Variants in ZDHHC11 observed in about 807,000 individuals in gnomAD.
ZDHHC11 encodes zDHHC palmitoyltransferase 11, also known as palmitoyltransferase ZDHHC11.
In ZDHHC11, 44 loss-of-function variants were observed where a neutral mutation model predicts 51.3. The ratio of observed to expected loss-of-function variants is 0.86; its 90% CI spans 0.67 to 1.10. ZDHHC11 has a LOEUF of 1.10. ZDHHC11 is among the 50% of genes least tolerant of loss of function. The pLI, the probability that ZDHHC11 is intolerant of heterozygous loss-of-function variation, is 0.00. For missense variants in ZDHHC11, 400 were observed against 537.7 expected (o/e 0.74, Z 2.53); for synonymous variants, 163 against 222.0 (o/e 0.73, Z 2.36).
chr5:851,411 G>A (rs557030880), upstream of ZDHHC11, among the ~76,000 whole-genome samples: 20 of 152,216 alleles, frequency 1.3e-4, no homozygotes, highest in African/African-American at 4.8e-4. Context: ...GCTACGGGGT[G>A]GGGGGTTGAT....
At position 837,021 on chromosome 5, in the gene ZDHHC11, C is replaced by T. The variant is rs1477836740; in HGVS notation, c.900+344G>A. ...ACAATGAGCTGAGATTTCACCACTT[C>T]ACTCCACCCTGGGCAACAGAGCGAG... is the stretch of plus-strand genomic sequence containing the variant. On this transcript the variant is annotated intron_variant, in intron 6 of 12. Transcript: ENST00000283441. Among the ~76,000 whole-genome samples, 5 of 151,508 alleles carry T rather than the reference C, an allele frequency of 3.3e-5. No individual in the cohort carries two copies. The East Asian group carries it at 7.7e-4, about 23-fold the overall frequency.
chr5:819,409 T>C (rs1205714766), intron 10 of ZDHHC11, 116 bp downstream of exon 10: 1 of 1,106,446 alleles, frequency 9.0e-7, no homozygotes, highest in Admixed American at 1.8e-5. Flanking sequence ...GCAGCACCCT[T>C]GGACACAGAG....
chr5:804,254 C>A (rs550661534), intron 11 of ZDHHC11, among the ~76,000 whole-genome samples: 6 of 151,342 alleles, frequency 4.0e-5, no homozygotes, highest in East Asian at 1.9e-4. Context: ...GCTCTGCCCA[C>A]CCAGGACATG....
intron 8 of ZDHHC11, among the ~76,000 whole-genome samples, chr5:824,642 A>G (rs1742045049): frequency 6.6e-6 from 1 of 151,294 alleles, no homozygotes; most frequent in African/African-American, 2.4e-5. Context: ...CCACACACAA[A>G]ACCACACACA....
At chr5:849,395 C>A (rs1347087385) in intron 1 of ZDHHC11, among the ~76,000 whole-genome samples, 1 of 152,148 alleles carries the variant, frequency 6.6e-6, no homozygotes, top group Admixed American at 6.5e-5. Flanking sequence ...GGATGCAGCC[C>A]CAAAGGCCCT....
intron 7 of ZDHHC11, among the ~76,000 whole-genome samples, chr5:825,498 C>T (rs1242419623): frequency 6.6e-6 from 1 of 152,096 alleles, no homozygotes; most frequent in East Asian, 1.9e-4. Flanking sequence ...AAAGCAGTCC[C>T]TCCACCCACC....
rs185326866 is a variant in ZDHHC11 at position 828,311 on chromosome 5, G to A, written c.936-3060C>T. On this transcript the variant is annotated intron_variant, in intron 7 of 12. Transcript: ENST00000283441. ...GGGCTCCTCACTTCCCAGAAGGGGC[G>A]GCCGGGCGGAGGCACCCCCCACCTC... Among the ~76,000 whole-genome samples the A allele has an allele frequency of 1.3e-4, 20 of 151,322 alleles. No homozygotes were observed. The East Asian group carries it at 2.9e-3, about 22-fold the overall frequency.
chr5:849,063 C>T (rs1441501800), intron 1 of ZDHHC11, among the ~76,000 whole-genome samples: 1 of 151,978 alleles, frequency 6.6e-6, no homozygotes, highest in Non-Finnish European at 1.5e-5. Context: ...TGGCCCTGCA[C>T]ACACAGCCCT....
At chr5:816,426 C>T (rs1740807296) in intron 10 of ZDHHC11, 5 of 441,542 alleles carry the variant, frequency 1.1e-5, no homozygotes, top group South Asian at 8.6e-5. Context: ...AGCTGCGGGA[C>T]AGGCAGTGGC....
upstream of ZDHHC11, among the ~76,000 whole-genome samples, chr5:859,447 A>G (rs1748673845): frequency 6.6e-6 from 1 of 152,052 alleles, no homozygotes; most frequent in Non-Finnish European, 1.5e-5. Context: ...CAGCAAGACA[A>G]CCCTAAAAAA....
At chr5:858,408 T>G (rs1171819238) in intron 1 of ZDHHC11, among the ~76,000 whole-genome samples, 1 of 148,386 alleles carries the variant, frequency 6.7e-6, no homozygotes, top group East Asian at 2.0e-4. Context: ...CCGTCCTGTC[T>G]TTATGACACC....
At chr5:850,233 C>G in intron 1 of ZDHHC11, 148 bp downstream of exon 1, 1 of 909,928 alleles carries the variant, frequency 1.1e-6, no homozygotes, top group South Asian at 1.7e-5. Flanking sequence ...GGCCACTGGG[C>G]CCACCTGCAG....
At chr5:813,292 C>T (rs1392844966) in intron 11 of ZDHHC11, among the ~76,000 whole-genome samples, 11 of 141,646 alleles carry the variant, frequency 7.8e-5, no homozygotes, top group Non-Finnish European at 1.5e-4. Flanking sequence ...TGTGCCACTG[C>T]ACTGCAGCCT....
chr5:818,402 G>A (rs1339910835), intron 10 of ZDHHC11, among the ~76,000 whole-genome samples: 7 of 151,848 alleles, frequency 4.6e-5, no homozygotes, highest in South Asian at 4.2e-4. Context: ...GGACGCCAGC[G>A]TCGCTGTTCC....
chr5:805,740 A>G (rs1041172944), intron 11 of ZDHHC11, among the ~76,000 whole-genome samples: 1 of 151,228 alleles, frequency 6.6e-6, no homozygotes, highest in Non-Finnish European at 1.5e-5. Flanking sequence ...TTTTTAATTA[A>G]AAGTCAGGGA....
chr5:827,283 C>T (rs1742419342), intron 7 of ZDHHC11, among the ~76,000 whole-genome samples: 1 of 148,022 alleles, frequency 6.8e-6, no homozygotes, highest in African/African-American at 2.5e-5. Context: ...CTCCTTAAAG[C>T]ATAAATCTTA....
At chr5:853,092 CAGGGG>C (rs1747530925), upstream of ZDHHC11, among the ~76,000 whole-genome samples, 1 of 142,422 alleles carries the variant, frequency 7.0e-6, no homozygotes, top group African/African-American at 2.7e-5. Context: ...GACAGCGAGC[CAGGGG>C]ACACAGGCCC....
intron 12 of ZDHHC11, among the ~76,000 whole-genome samples, chr5:798,011 C>G (rs541285607): frequency 1.3e-5 from 2 of 150,464 alleles, no homozygotes; most frequent in African/African-American, 4.9e-5. Flanking sequence ...GCTCCAAATA[C>G]TCGGCAGTGA....
At position 795,832 on chromosome 5, in the gene ZDHHC11, C is replaced by G. The variant is rs1057010; in HGVS notation, c.*756G>C. On this transcript the variant is annotated 3_prime_UTR_variant, in exon 13 of 13. Transcript: ENST00000283441. ...CTCCCATTTCCCAGTACTGTGCTCCCATTTCCCAGTACTATGCTCCCATTT... is the reference window on the plus strand; with the variant it reads ...CTCCCATTTCCCAGTACTGTGCTCCGATTTCCCAGTACTATGCTCCCATTT... 1 of 153,304 alleles carries G rather than the reference C, an allele frequency of 6.5e-6. No homozygotes were observed. Among genetic ancestry groups the G allele is most frequent in the Non-Finnish European group, 1.5e-5 (1 of 67,786 alleles). 9.5% of individuals were successfully genotyped at this position (153,304 alleles called of 1,614,324 possible). A position where few individuals can be genotyped will look rare whatever the true frequency, so the allele number is the denominator to read the frequency against.
Sources: allele counts gnomAD v4.1 joint callset (sites outside exome capture counted in the v4.1 genomes callset), GRCh38; gene constraint gnomAD v4.1.1; transcripts MANE v1.5; gene names NCBI Gene and HGNC (gene_info 2026-07-23, HGNC 2026-07-21).